The following ELMO2 variants were observed in gnomAD, a reference collection of about 807,000 sequenced individuals.
ELMO2 encodes engulfment and cell motility protein 2.
A neutral mutation model predicts 96.2 loss-of-function variants in ELMO2; 37 were observed. The observed-to-expected ratio is 0.38, with a 90% CI of 0.30 to 0.51. The LOEUF is 0.51. Among genes scored for constraint, ELMO2 ranks in the 20% least tolerant of loss-of-function variants. The pLI, the probability that ELMO2 is intolerant of heterozygous loss-of-function variation, is 0.88. For missense variants in ELMO2, 561 were observed against 912.6 expected (o/e 0.61, Z 4.96); for synonymous variants, 315 against 329.4 (o/e 0.96, Z 0.47).
Position 46,387,356 on chromosome 20 carries a change from T to G in ELMO2, c.507A>C (p.Ser169=), listed in dbSNP as rs749558858. Residue 169 remains serine, a synonymous_variant, in exon 8 of 22, where the codon TCA becomes TCC. Coordinates refer to ENST00000290246, the MANE Select transcript of ELMO2 (RefSeq NM_133171.5). ...DHGIVSWDMV[S]ITFIKQIAGY... is the part of the protein sequence containing the mutation. The stretch of plus-strand genomic sequence containing the variant: ...GCCTCACCTGCTTAATAAAGGTGAT[T>G]GAAACCATGTCCCAGGAGACAATGC... 1.2e-6 allele frequency: 2 copies of G among 1,613,968 alleles called. No homozygotes were observed. The highest frequency in any genetic ancestry group is 1.7e-6 in the Non-Finnish European group (2 of 1,179,960).
intron 3 of ELMO2, 88 bp downstream of exon 3, chr20:46,394,317 C>A: frequency 1.4e-6 from 2 of 1,425,330 alleles, no homozygotes; most frequent in Non-Finnish European, 2.0e-6. Context: ...CTCTTGATGC[C>A]GGTGGTCCCC....
intron 1 of ELMO2, among the ~76,000 whole-genome samples, chr20:46,401,863 G>C (rs747042972): frequency 6.6e-6 from 1 of 152,278 alleles, no homozygotes; most frequent in East Asian, 1.9e-4. Flanking sequence ...ATTAATTGCA[G>C]CCTCATCTGT....
Position 46,375,585 on chromosome 20 carries a change from G to T in ELMO2, c.930+83C>A. On this transcript the variant is annotated intron_variant, in intron 12 of 21. Coordinates refer to ENST00000290246, the MANE Select transcript of ELMO2 (RefSeq NM_133171.5). The surrounding 1 kb of genome is among the most constrained non-coding windows in gnomAD (Gnocchi z 4.6). Reference sequence around the variant, plus strand: ...GATGCAAACTACTTCTGCAGACAAAGACCAAGCACAGTGCCTGGCACATAG... The same window carrying T: ...GATGCAAACTACTTCTGCAGACAAATACCAAGCACAGTGCCTGGCACATAG... The T allele has an allele frequency of 6.3e-7, 1 of 1,589,788 alleles. No individual in the cohort carries two copies. The highest frequency in any genetic ancestry group is 8.6e-7 in the Non-Finnish European group (1 of 1,163,386).
intron 10 of ELMO2, chr20:46,382,133 T>C (rs2059967100): frequency 1.7e-6 from 2 of 1,198,534 alleles, no homozygotes; most frequent in Admixed American, 2.3e-5. Context: ...GATCAGACCA[T>C]GAGATTCTTG....
intron 20 of ELMO2, 24 bp from the exon 21 acceptor site, chr20:46,368,992 A>G: frequency 6.2e-7 from 1 of 1,611,544 alleles, no homozygotes; most frequent in Non-Finnish European, 8.5e-7. Flanking sequence ...GGTTTAAATT[A>G]GAGCGATGGA....
intron 11 of ELMO2, 48 bp downstream of exon 11, chr20:46,380,202 GTAA>G: frequency 7.2e-7 from 1 of 1,393,140 alleles, no homozygotes. Context: ...AACAATAACA[GTAA>G]TAATTGTTGT....
chr20:46,395,475 C>T (rs940745356), intron 2 of ELMO2, among the ~76,000 whole-genome samples: 3 of 152,190 alleles, frequency 2.0e-5, no homozygotes, highest in African/African-American at 7.2e-5. Flanking sequence ...ATGAAAAAGA[C>T]CTTTCTGCAT....
At chr20:46,396,801 A>G (rs1293110553) in intron 2 of ELMO2, among the ~76,000 whole-genome samples, 5 of 152,214 alleles carry the variant, frequency 3.3e-5, no homozygotes, top group East Asian at 3.8e-4. Context: ...CAATGTATAC[A>G]TGGCCCTTTA....
In ELMO2 at chr20:46,383,646, A is replaced by C. The variant is rs904288536; in HGVS notation, c.678-152T>G. ...AGCATTCAAAGTGGGCATGCTCTTGACCCAGCAATTTCACTAATAGGAATT... is the reference window on the plus strand; with the variant it reads ...AGCATTCAAAGTGGGCATGCTCTTGCCCCAGCAATTTCACTAATAGGAATT... On this transcript the variant is annotated intron_variant, in intron 9 of 21. Coordinates refer to ENST00000290246, the MANE Select transcript of ELMO2 (RefSeq NM_133171.5). 12 of 724,214 alleles carry C rather than the reference A, an allele frequency of 1.7e-5. No individual in the cohort carries two copies. The African/African-American group carries it at 2.1e-4, about 13-fold the overall frequency. 44.9% of individuals were successfully genotyped at this position (724,214 alleles called of 1,614,324 possible). A position where few individuals can be genotyped will look rare whatever the true frequency, so the allele number is the denominator to read the frequency against.
At chr20:46,395,757 T>A (rs1386806053) in intron 2 of ELMO2, among the ~76,000 whole-genome samples, 1 of 152,212 alleles carries the variant, frequency 6.6e-6, no homozygotes, top group Non-Finnish European at 1.5e-5. Context: ...GCTTCAGAAG[T>A]CTACTGTCAT....
In ELMO2 at chr20:46,390,140, G is replaced by T. The variant is rs190057295; in HGVS notation, c.244-920C>A. 8.2e-4 allele frequency among the ~76,000 whole-genome samples: 124 copies of T among 152,108 alleles called. No individual in the cohort carries two copies. The Middle Eastern group carries it at 0.014, about 17-fold the overall frequency. Reference sequence around the variant, plus strand: ...TGCACTCCAGCCTGGGCAACAGAGTGAGACTCCATCTCAAAAAAAATAAAA... The same window carrying T: ...TGCACTCCAGCCTGGGCAACAGAGTTAGACTCCATCTCAAAAAAAATAAAA... On this transcript the variant is annotated intron_variant, in intron 6 of 21. Transcript: ENST00000290246.
Position 46,375,782 on chromosome 20 carries a change from G to T in ELMO2, c.816C>A (p.Ile272=). ...CAGTTTTGATGGGGCGGTTCCCTCG[G>T]ATCACATGCTAGAAAAAGCACAGGC... ...HLRSIILNHV[I]RGNRPIKTEM... is the part of the protein sequence containing the mutation. The change falls in exon 12 of 22, where the codon ATC becomes ATA. Residue 272 remains isoleucine, a synonymous_variant. Transcript: ENST00000290246. The surrounding 1 kb of genome is among the most constrained non-coding windows in gnomAD (Gnocchi z 4.6). 21 of 1,614,166 alleles carry T rather than the reference G, an allele frequency of 1.3e-5. No homozygotes were observed. Among genetic ancestry groups the T allele is most frequent in the Non-Finnish European group, 1.8e-5 (21 of 1,180,012 alleles).
chr20:46,405,491 G>T (rs1166096420), intron 1 of ELMO2, among the ~76,000 whole-genome samples: 1 of 152,180 alleles, frequency 6.6e-6, no homozygotes, highest in Admixed American at 6.5e-5. Flanking sequence ...CTTGGGAGAG[G>T]TCAGCGGGAC....
intron 1 of ELMO2, among the ~76,000 whole-genome samples, chr20:46,402,998 C>G (rs139739418): frequency 5.1e-4 from 77 of 152,346 alleles, no homozygotes; most frequent in African/African-American, 1.8e-3. Context: ...TAACGATTTT[C>G]TTACCTGTAA....
chr20:46,386,037 A>G (rs2060034732), intron 9 of ELMO2, 87 bp downstream of exon 9: 2 of 1,455,568 alleles, frequency 1.4e-6, no homozygotes, highest in East Asian at 4.6e-5. Context: ...AATATAAGCA[A>G]AGGAGAGTAG....
intron 6 of ELMO2, among the ~76,000 whole-genome samples, chr20:46,392,373 T>G (rs1420435778): frequency 1.3e-5 from 2 of 152,224 alleles, no homozygotes; most frequent in African/African-American, 4.8e-5. Flanking sequence ...ATATCCATCC[T>G]TTCATCTCCA....
intron 15 of ELMO2, among the ~76,000 whole-genome samples, chr20:46,374,073 T>C (rs1243471461): frequency 6.7e-6 from 1 of 148,760 alleles, no homozygotes; most frequent in Non-Finnish European, 1.5e-5. Flanking sequence ...ACCAGAGGCA[T>C]GCACTACCAG....
intron 20 of ELMO2, chr20:46,370,043 G>A: frequency 2.8e-6 from 1 of 357,178 alleles, no homozygotes; most frequent in South Asian, 2.2e-5. Flanking sequence ...GAGAAATTAT[G>A]ACATTTATAA....
intron 21 of ELMO2, among the ~76,000 whole-genome samples, chr20:46,368,378 G>T (rs2059627012): frequency 6.6e-6 from 1 of 152,132 alleles, no homozygotes; most frequent in Non-Finnish European, 1.5e-5. Flanking sequence ...GTTCCATCTG[G>T]CTTCAAAGTC....
Sources: allele counts gnomAD v4.1 joint callset (sites outside exome capture counted in the v4.1 genomes callset), GRCh38; gene constraint gnomAD v4.1.1; non-coding constraint Gnocchi (gnomAD v3.1); transcripts MANE v1.5; gene names NCBI Gene and HGNC (gene_info 2026-07-23, HGNC 2026-07-21).